FGF14: variants seen among roughly 807,000 people sequenced by gnomAD.
FGF14 encodes fibroblast growth factor homologous factor 4.
A neutral mutation model predicts 25.5 loss-of-function variants in FGF14; 5 were observed. That is an observed-to-expected ratio of 0.20 (90% CI 0.10 to 0.41). The LOEUF (loss-of-function observed/expected upper bound fraction) is 0.41. Ranked by LOEUF, FGF14 falls within the 10% of genes least tolerant of loss-of-function variation. FGF14 has a pLI of 1.00. For synonymous variants in FGF14, 138 were observed against 118.3 expected (o/e 1.17, Z -1.08); for missense variants, 222 against 320.1 (o/e 0.69, Z 2.34).
In FGF14 at chr13:101,916,565, G is replaced by A. The variant is rs756001963; in HGVS notation, c.81C>T (p.Ser27=). Residue 27 remains serine (S), a synonymous_variant, in exon 1 of 5, where the codon AGC becomes AGT. Transcript: ENST00000376143. ...TCTTGCTGGGGCTGCTCCGCCTCCTGCTGGCAGACGGCCGGTCCCAGTGCT... is the reference window on the plus strand; with the variant it reads ...TCTTGCTGGGGCTGCTCCGCCTCCTACTGGCAGACGGCCGGTCCCAGTGCT... ...REQHWDRPSA[S]RRRSSPSKNR... 1 of 1,611,956 alleles carries A rather than the reference G, an allele frequency of 6.2e-7. No homozygotes were observed. Among genetic ancestry groups the A allele is most frequent in the Admixed American group, 1.7e-5 (1 of 59,952 alleles).
At chr13:101,857,805 G>T (rs1206647873) in intron 3 of FGF14, among the ~76,000 whole-genome samples, 1 of 151,798 alleles carries the variant, frequency 6.6e-6, no homozygotes, top group African/African-American at 2.4e-5. Flanking sequence ...AATATTTTCA[G>T]TCAAATAAAT....
chr13:101,894,078 A>G (rs2030230937), intron 1 of FGF14, among the ~76,000 whole-genome samples: 1 of 152,120 alleles, frequency 6.6e-6, no homozygotes, highest in Non-Finnish European at 1.5e-5. Context: ...TATTTAAGAA[A>G]GAGTGACAAT....
intron 3 of FGF14, among the ~76,000 whole-genome samples, chr13:101,744,480 A>C (rs1206582974): frequency 6.6e-6 from 1 of 152,120 alleles, no homozygotes; most frequent in African/African-American, 2.4e-5. Flanking sequence ...ATATTCAATT[A>C]GAGTGGGGAC....
intron 3 of FGF14, among the ~76,000 whole-genome samples, chr13:101,770,818 A>C (rs1183217086): frequency 1.3e-5 from 2 of 152,134 alleles, no homozygotes; most frequent in East Asian, 3.9e-4. Flanking sequence ...ATAGTACTCA[A>C]ATATCTACTG....
intron 1 of FGF14, among the ~76,000 whole-genome samples, chr13:101,973,338 A>G (rs779213427): frequency 9.2e-5 from 14 of 152,176 alleles, no homozygotes; most frequent in African/African-American, 1.4e-4. Context: ...ATGTATAAAG[A>G]TAAATATTTT....
chr13:101,808,753 T>C (rs2041339034), intron 3 of FGF14, among the ~76,000 whole-genome samples: 1 of 152,096 alleles, frequency 6.6e-6, no homozygotes, highest in South Asian at 2.1e-4. Flanking sequence ...TTTTTTCAGG[T>C]AAAGACTTTA....
At chr13:102,332,432 A>C (rs951590380) in intron 1 of FGF14, among the ~76,000 whole-genome samples, 1 of 152,138 alleles carries the variant, frequency 6.6e-6, no homozygotes, top group Non-Finnish European at 1.5e-5. Context: ...ATTTTTAATC[A>C]TCAGAGATTT....
At chr13:101,911,408 A>C (rs1203676465) in intron 1 of FGF14, among the ~76,000 whole-genome samples, 1 of 152,162 alleles carries the variant, frequency 6.6e-6, no homozygotes, top group African/African-American at 2.4e-5. Flanking sequence ...CAATCTATGG[A>C]TATAACTAAA....
chr13:101,854,083 C>T (rs1327606938), intron 3 of FGF14, among the ~76,000 whole-genome samples: 1 of 151,968 alleles, frequency 6.6e-6, no homozygotes, highest in African/African-American at 2.4e-5. Flanking sequence ...GTTCCTAACG[C>T]AGGCAAACAC....
chr13:102,385,756 T>C (rs925418161), intron 1 of FGF14, among the ~76,000 whole-genome samples: 1 of 152,152 alleles, frequency 6.6e-6, no homozygotes, highest in African/African-American at 2.4e-5. Flanking sequence ...ATGGGGTAAG[T>C]GCACAAACAC....
chr13:102,060,024 A>G (rs2042609274), intron 1 of FGF14, among the ~76,000 whole-genome samples: 1 of 152,198 alleles, frequency 6.6e-6, no homozygotes, highest in African/African-American at 2.4e-5. Context: ...AATGTTCCAA[A>G]ATTCCAAACT....
intron 1 of FGF14, among the ~76,000 whole-genome samples, chr13:102,019,679 G>A (rs1236164368): frequency 6.6e-6 from 1 of 152,150 alleles, no homozygotes; most frequent in Non-Finnish European, 1.5e-5. Flanking sequence ...TTCTAAGCAA[G>A]CCTTTGGCAA....
At chr13:101,792,641 T>C (rs1328058178) in intron 3 of FGF14, among the ~76,000 whole-genome samples, 1 of 152,166 alleles carries the variant, frequency 6.6e-6, no homozygotes, top group Non-Finnish European at 1.5e-5. Flanking sequence ...TCCAACATCA[T>C]AAAACAAATC....
chr13:102,108,401 T>C (rs186077713), intron 1 of FGF14, among the ~76,000 whole-genome samples: 14 of 152,336 alleles, frequency 9.2e-5, no homozygotes, highest in Admixed American at 9.1e-4. Context: ...CAGAATTACA[T>C]AGTAGTAGAT....
rs1307778253 is a variant in FGF14, at chr13:102,161,564, GTGA to G, written c.208+239904_208+239906del. On this transcript the variant is annotated intron_variant, in intron 1 of 4. Coordinates refer to the FGF14 transcript ENST00000376131. ...ATATTCTCTATGCAACCAACTTTCT[GTGA>G]AGAAAGAAAGAAGAAGAAGAAGAAG... 1.8e-3 allele frequency among the ~76,000 whole-genome samples: 16 copies of G among 8,704 alleles called. 2 individuals carry two copies. The highest frequency in any genetic ancestry group is 0.1 in the Middle Eastern group (1 of 10). The allele number at this position is 8,704 out of a possible 152,430, so 5.7% of individuals were successfully genotyped here. A position where few individuals can be genotyped will look rare whatever the true frequency, so the allele number is the denominator to read the frequency against.
chr13:101,776,308 C>T (rs367810930), intron 3 of FGF14, among the ~76,000 whole-genome samples: 19 of 152,256 alleles, frequency 1.2e-4, no homozygotes, highest in South Asian at 4.1e-4. Context: ...TTCCGTGAAA[C>T]GCCAAAATGA....
intron 1 of FGF14, among the ~76,000 whole-genome samples, chr13:102,286,986 G>A (rs983042945): frequency 6.6e-6 from 1 of 151,974 alleles, no homozygotes; most frequent in Admixed American, 6.6e-5. Flanking sequence ...TCATGGGGGA[G>A]GGGGAGGGGG....
At chr13:102,161,849 G>C (rs904057979) in intron 1 of FGF14, among the ~76,000 whole-genome samples, 1 of 151,072 alleles carries the variant, frequency 6.6e-6, no homozygotes, top group African/African-American at 2.4e-5. Context: ...AAAAAACCTG[G>C]AGAATGAGTG....
At chr13:101,815,301 G>C (rs918598031) in intron 3 of FGF14, among the ~76,000 whole-genome samples, 4 of 152,110 alleles carry the variant, frequency 2.6e-5, no homozygotes, top group African/African-American at 9.7e-5. Context: ...GAGGAGGAAA[G>C]GCATGAAAGA....
Sources: gnomAD v4.1 joint callset for allele counts (sites outside exome capture counted in the v4.1 genomes callset) on GRCh38, gnomAD v4.1.1 for gene constraint, MANE v1.5 for transcripts, NCBI Gene and HGNC (gene_info 2026-07-23, HGNC 2026-07-21) for gene names.